The following VWA5A variants were observed in gnomAD, a reference collection of about 807,000 sequenced individuals.
VWA5A encodes von Willebrand factor A domain-containing protein 5A.
Under a neutral mutation model 84.6 loss-of-function variants are expected in VWA5A, and 77 were observed. The ratio of observed to expected loss-of-function variants is 0.91; its 90% CI spans 0.76 to 1.10. The LOEUF is 1.10. Among genes scored for constraint, VWA5A ranks in the 50% least tolerant of loss-of-function variants. VWA5A has a pLI of 0.00. For synonymous variants in VWA5A, 334 were observed against 350.1 expected (o/e 0.95, Z 0.51); for missense variants, 973 against 963.0 (o/e 1.01, Z -0.14).
chr11:124,119,650 T>C (rs1488592300), intron 7 of VWA5A, among the ~76,000 whole-genome samples: 2 of 152,186 alleles, frequency 1.3e-5, no homozygotes, highest in East Asian at 3.8e-4. Flanking sequence ...ATATCGAGTA[T>C]TAGTAAGCAA....
chr11:124,120,049 A>G lies in VWA5A; in HGVS notation c.760+960A>G, dbSNP rs538203531. Among the ~76,000 whole-genome samples the G allele has an allele frequency of 5.9e-5, 9 of 152,312 alleles. No homozygotes were observed. In the South Asian group the frequency reaches 1.4e-3, roughly 25 times the overall value. On this transcript the variant is annotated intron_variant, in intron 7 of 18. Coordinates refer to ENST00000456829, the MANE Select transcript of VWA5A (RefSeq NM_001130142.2). The stretch of plus-strand genomic sequence containing the variant: ...ATATGTAACAAAATTGACCATTTTA[A>G]CTGTTTTTAAGTGTACAGTTCTGTG...
At position 124,141,666 on chromosome 11, in the gene VWA5A, T is replaced by C; in HGVS notation, c.1948T>C (p.Tyr650His). ...ASQPRGELMC[Y>H]KAKTFQMDDY... ...TCAGCCCAGAGGGGAACTTATGTGT[T>C]ATAAGGCCAAGACATTCCAGATGGA... is the stretch of plus-strand genomic sequence containing the variant. The change falls in exon 16 of 19, where the codon TAT becomes CAT. Residue 650 changes from tyrosine to histidine, a missense_variant. Coordinates refer to ENST00000456829, the MANE Select transcript of VWA5A (RefSeq NM_001130142.2). The C allele has an allele frequency of 6.2e-7, 1 of 1,614,150 alleles. No individual in the cohort carries two copies. The highest frequency in any genetic ancestry group is 1.1e-5 in the South Asian group (1 of 91,082).
Position 124,116,853 on chromosome 11 carries a change from C to T in VWA5A, c.-16+173C>T, listed in dbSNP as rs528087940. Among the ~76,000 whole-genome samples, 121 of 152,218 alleles carry T rather than the reference C, an allele frequency of 7.9e-4. 1 individual carries two copies. The South Asian group carries it at 8.9e-3, about 11-fold the overall frequency. On this transcript the variant is annotated intron_variant, in intron 2 of 18. Transcript: ENST00000456829. ...TTGGATGGATACAAACAAATATACT[C>T]GTATCTTTTAATTTTGGGTCCCAAA...
chr11:124,124,382 A>T, intron 11 of VWA5A, 66 bp downstream of exon 11: 1 of 1,569,936 alleles, frequency 6.4e-7, no homozygotes, highest in Non-Finnish European at 8.6e-7. Flanking sequence ...CTAGTGCTAC[A>T]TGATGCCGGT....
chr11:124,137,396 G>A (rs1487831738), intron 15 of VWA5A, 128 bp downstream of exon 15: 5 of 1,272,320 alleles, frequency 3.9e-6, no homozygotes, highest in Non-Finnish European at 5.3e-6. Context: ...TCCACATCTA[G>A]GATTTCTGGT....
intron 12 of VWA5A, among the ~76,000 whole-genome samples, chr11:124,135,731 C>A (rs933480386): frequency 6.7e-6 from 1 of 150,214 alleles, no homozygotes; most frequent in Non-Finnish European, 1.5e-5. Flanking sequence ...GGGGTTTCAC[C>A]GTTTTAGCCG....
rs1865177771 is a variant in VWA5A, at chr11:124,136,120, C to T, written c.1360-9C>T. On this transcript the variant is annotated splice_polypyrimidine_tract_variant and intron_variant, in intron 12 of 18. Coordinates refer to ENST00000456829, the MANE Select transcript of VWA5A (RefSeq NM_001130142.2). ...ATTTGTGTTTATTCTGTTCTCTTCC[C>T]CACATTAGGCTCTCAGGACTCTGAA... 1.2e-6 allele frequency: 2 copies of T among 1,612,792 alleles called. No individual in the cohort carries two copies. The highest frequency in any genetic ancestry group is 1.7e-5 in the Admixed American group (1 of 59,956).
At chr11:124,145,842 G>C in intron 18 of VWA5A, 24 bp from the exon 19 acceptor site, 1 of 1,563,730 alleles carries the variant, frequency 6.4e-7, no homozygotes, top group Non-Finnish European at 8.7e-7. Context: ...CTTCATCCCT[G>C]CTTCTTGTTT....
At chr11:124,125,310 T>A (rs1865003170) in intron 11 of VWA5A, among the ~76,000 whole-genome samples, 1 of 150,092 alleles carries the variant, frequency 6.7e-6, no homozygotes, top group Admixed American at 6.7e-5. Flanking sequence ...TGAGATGGAG[T>A]CTCGCTCTTT....
chr11:124,137,828 A>T (rs926317591), intron 15 of VWA5A, among the ~76,000 whole-genome samples: 2 of 152,024 alleles, frequency 1.3e-5, no homozygotes, highest in Non-Finnish European at 1.5e-5. Context: ...ACATTTGCCT[A>T]TCCTGTCTTT....
rs1416915177 is a variant in VWA5A at position 124,141,657 on chromosome 11, C to T, written c.1939C>T (p.Leu647Phe). 1 of 1,613,988 alleles carries T rather than the reference C, an allele frequency of 6.2e-7. No homozygotes were observed. The highest frequency in any genetic ancestry group is 1.3e-5 in the African/African-American group (1 of 74,880). Reference sequence around the variant, plus strand: ...TTCTGCATCTCAGCCCAGAGGGGAACTTATGTGTTATAAGGCCAAGACATT... The same window carrying T: ...TTCTGCATCTCAGCCCAGAGGGGAATTTATGTGTTATAAGGCCAAGACATT... ...PPSASQPRGE[L>F]MCYKAKTFQM... is the part of the protein sequence containing the mutation. The change falls in exon 16 of 19, where the codon CTT becomes TTT. Residue 647 changes from leucine (L) to phenylalanine (F), a missense_variant. Transcript: ENST00000456829.
chr11:124,127,063 A>G (rs1865028573), intron 11 of VWA5A, among the ~76,000 whole-genome samples: 4 of 152,244 alleles, frequency 2.6e-5, no homozygotes, highest in Admixed American at 2.6e-4. Flanking sequence ...ATGCATGTGC[A>G]GAACATGCAG....
In VWA5A at chr11:124,147,568, GTTAGAAATGCAGCTTT is replaced by G. The variant is rs1042842833; in HGVS notation, c.*1636_*1651del. 7.2e-5 allele frequency: 11 copies of G among 152,278 alleles called. No homozygotes were observed. The South Asian group carries it at 1.0e-3, about 14-fold the overall frequency. 9.4% of individuals were successfully genotyped at this position (152,278 alleles called of 1,614,324 possible). ...TGAATGTGATCTGCGGAACAGGGTT[GTTAGAAATGCAGCTTT>G]TTAGAAATGCAGAATTTTAATCGAT... On this transcript the variant is annotated 3_prime_UTR_variant, in exon 19 of 19. Coordinates refer to ENST00000456829, the MANE Select transcript of VWA5A (RefSeq NM_001130142.2).
chr11:124,123,942 A>T, intron 10 of VWA5A, 138 bp downstream of exon 10: 1 of 1,271,288 alleles, frequency 7.9e-7, no homozygotes, highest in African/African-American at 1.5e-5. Flanking sequence ...CAGAAAAAAA[A>T]AAGATGATGC....
At chr11:124,119,128 C>T in intron 7 of VWA5A, 39 bp downstream of exon 7, 1 of 1,544,234 alleles carries the variant, frequency 6.5e-7, no homozygotes, top group South Asian at 1.1e-5. Flanking sequence ...CCCTAAGGGG[C>T]AACTCCCTGT....
At position 124,145,284 on chromosome 11, in the gene VWA5A, G is replaced by A. The variant is rs1215523771; in HGVS notation, c.2202G>A (p.Leu734=). 6.2e-7 allele frequency: 1 copy of A among 1,613,886 alleles called. No homozygotes were observed. Among genetic ancestry groups the A allele is most frequent in the South Asian group, 1.1e-5 (1 of 91,052 alleles). Residue 734 remains leucine, a synonymous_variant, in exon 18 of 19, where the codon CTG becomes CTA. Coordinates refer to ENST00000456829, the MANE Select transcript of VWA5A (RefSeq NM_001130142.2). ...CCACCATCCTGGCCGTGATCTGGCTGCACAGCAATGGTAAGGACTTGAAGT... is the reference window on the plus strand; with the variant it reads ...CCACCATCCTGGCCGTGATCTGGCTACACAGCAATGGTAAGGACTTGAAGT... ...GWATILAVIW[L]HSNGKDLKCE...
intron 11 of VWA5A, among the ~76,000 whole-genome samples, chr11:124,125,060 G>C (rs553276858): frequency 6.6e-6 from 1 of 152,168 alleles, no homozygotes; most frequent in East Asian, 1.9e-4. Flanking sequence ...GTATTGTTTT[G>C]CACACACGTG....
At chr11:124,123,957 G>A (rs1864976829) in intron 10 of VWA5A, 153 bp downstream of exon 10, 1 of 1,203,498 alleles carries the variant, frequency 8.3e-7, no homozygotes, top group Non-Finnish European at 1.1e-6. Flanking sequence ...TGATGCATTT[G>A]TCTTCTTCCT....
At chr11:124,136,520 T>C (rs894835807) in intron 13 of VWA5A, 54 bp from the exon 14 acceptor site, 2 of 1,552,608 alleles carry the variant, frequency 1.3e-6, no homozygotes, top group African/African-American at 2.7e-5. Context: ...GATCCTTCCA[T>C]GGATGATCAG....
Sources: gnomAD v4.1 joint callset for allele counts (sites outside exome capture counted in the v4.1 genomes callset) on GRCh38, gnomAD v4.1.1 for gene constraint, MANE v1.5 for transcripts, NCBI Gene and HGNC (gene_info 2026-07-23, HGNC 2026-07-21) for gene names.